Variants in PCDH15 observed in about 807,000 individuals in gnomAD.
PCDH15 encodes protocadherin-15.
PCDH15 carries 129 observed loss-of-function variants against 178.5 expected under a neutral mutation model. That is an observed-to-expected ratio of 0.72 (90% CI 0.63 to 0.84). PCDH15 has a LOEUF of 0.84. Among genes scored for constraint, PCDH15 ranks in the 40% least tolerant of loss-of-function variants. PCDH15 has a pLI of 0.00. For missense variants in PCDH15, 2,230 were observed against 2,099.9 expected (o/e 1.06, Z -1.21); for synonymous variants, 800 against 732.0 (o/e 1.09, Z -1.50).
chr10:54,919,420 C>T (rs1262356547), intron 2 of PCDH15, among the ~76,000 whole-genome samples: 1 of 152,106 alleles, frequency 6.6e-6, no homozygotes, highest in Non-Finnish European at 1.5e-5. Flanking sequence ...ACGTTTTGTA[C>T]TTGATTTACT....
chr10:55,432,114 C>CACACACACACACACA (rs71014487), intron 2 of PCDH15, among the ~76,000 whole-genome samples: 7 of 146,988 alleles, frequency 4.8e-5, no homozygotes, highest in South Asian at 2.1e-4. Context: ...CACACACACA[C>CACACACACACACACA]CACAAGTCTC....
chr10:54,909,424 G>A (rs1470792083), intron 2 of PCDH15, among the ~76,000 whole-genome samples: 1 of 152,154 alleles, frequency 6.6e-6, no homozygotes, highest in Non-Finnish European at 1.5e-5. Flanking sequence ...AGGAGGCCAA[G>A]GTAGCATGGG....
intron 1 of PCDH15, among the ~76,000 whole-genome samples, chr10:55,198,213 TC>T (rs1840146957): frequency 6.6e-6 from 1 of 152,132 alleles, no homozygotes; most frequent in African/African-American, 2.4e-5. Context: ...TTATTCACTC[TC>T]AGTTTAAGTA....
At chr10:53,970,447 TGAA>T (rs1030831175) in intron 21 of PCDH15, among the ~76,000 whole-genome samples, 7 of 151,574 alleles carry the variant, frequency 4.6e-5, no homozygotes, top group Non-Finnish European at 7.4e-5. Context: ...AGAGCAGAAC[TGAA>T]GGAGACAGAG....
At chr10:55,235,232 T>G (rs967425810) in intron 1 of PCDH15, among the ~76,000 whole-genome samples, 2 of 152,132 alleles carry the variant, frequency 1.3e-5, no homozygotes, top group African/African-American at 2.4e-5. Context: ...AAAGTCATTA[T>G]AAAATGGATA....
rs566302687 is a variant in PCDH15 at position 54,015,022 on chromosome 10, T to A, written c.2751+5170A>T. Among the ~76,000 whole-genome samples, 25 of 152,190 alleles carry A rather than the reference T, an allele frequency of 1.6e-4. 1 individual carries two copies. The highest frequency in any genetic ancestry group is 8.3e-4 in the South Asian group (4 of 4,828). On this transcript the variant is annotated intron_variant, in intron 20 of 37. Transcript: ENST00000644397. ...CACCTAGAAAACCCCATAGTCTTTG[T>A]CCAAAACTCCTTGATCTAATAAACA...
intron 18 of PCDH15, among the ~76,000 whole-genome samples, chr10:54,024,944 G>C (rs867976054): frequency 6.6e-6 from 1 of 151,956 alleles, no homozygotes; most frequent in Middle Eastern, 3.2e-3. Context: ...AATATGTTTT[G>C]TTTCATAATA....
intron 1 of PCDH15, among the ~76,000 whole-genome samples, chr10:55,230,560 A>G (rs571385734): frequency 6.6e-6 from 1 of 152,204 alleles, no homozygotes; most frequent in African/African-American, 2.4e-5. Flanking sequence ...ATGAAGACAG[A>G]GTTTGCAAAG....
At chr10:54,780,247 A>G (rs572692228) in intron 1 of PCDH15, among the ~76,000 whole-genome samples, 20 of 152,322 alleles carry the variant, frequency 1.3e-4, no homozygotes, top group Admixed American at 5.2e-4. Context: ...TTTAAGAGAA[A>G]GAGAAATGTG....
At chr10:55,627,416 A>T (rs1480640989) in intron 2 of PCDH15, among the ~76,000 whole-genome samples, 1 of 152,014 alleles carries the variant, frequency 6.6e-6, no homozygotes, top group East Asian at 1.9e-4. Context: ...ACAAACACAT[A>T]CATGTAAGGA....
At chr10:55,331,477 G>A (rs772960672) in intron 2 of PCDH15, among the ~76,000 whole-genome samples, 1 of 151,974 alleles carries the variant, frequency 6.6e-6, no homozygotes, top group Admixed American at 6.6e-5. Flanking sequence ...ATCTGTCCAA[G>A]AACCAAGATA....
chr10:54,095,095 C>T (rs2094676959), intron 15 of PCDH15, among the ~76,000 whole-genome samples: 1 of 152,070 alleles, frequency 6.6e-6, no homozygotes, highest in African/African-American at 2.4e-5. Flanking sequence ...AGTAACTGCC[C>T]TTAGGGATTC....
At position 54,195,793 on chromosome 10, in the gene PCDH15, T is replaced by C. The variant is rs199786639; in HGVS notation, c.1195A>G (p.Ser399Gly). 362 of 1,613,860 alleles carry C rather than the reference T, an allele frequency of 2.2e-4. No homozygotes were observed. The highest frequency in any genetic ancestry group is 2.3e-4 in the South Asian group (21 of 91,084). The change falls in exon 11 of 38, where the codon AGT (serine) becomes GGT (glycine). Residue 399 changes from serine (S) to glycine (G), a missense_variant. Ser to Gly is a moderately conservative substitution (Grantham distance 56). Transcript: ENST00000644397. ...GATTCCAGGATATAGCCTTGATAAC[T>C]GGGCATTGTAAAATATGGACTTTGA... ...NNQSPYFTMP[S>G]YQGYILESAP...
chr10:54,839,059 G>A (rs963189243), intron 3 of PCDH15, among the ~76,000 whole-genome samples: 1 of 152,118 alleles, frequency 6.6e-6, no homozygotes, highest in African/African-American at 2.4e-5. Context: ...AAACCAGTCT[G>A]TAAAGGCTAA....
At chr10:55,222,714 C>CACACACAG (rs1447586940) in intron 1 of PCDH15, among the ~76,000 whole-genome samples, 92 of 22,398 alleles carry the variant, frequency 4.1e-3, no homozygotes, top group South Asian at 0.016. Flanking sequence ...TCTTTATACA[C>CACACACAG]ACACACACAC....
At chr10:55,595,701 C>T (rs370154754) in intron 2 of PCDH15, among the ~76,000 whole-genome samples, 13 of 151,966 alleles carry the variant, frequency 8.6e-5, no homozygotes, top group South Asian at 6.2e-4. Context: ...TTCATCCTGG[C>T]GTTAAGATTA....
intron 2 of PCDH15, among the ~76,000 whole-genome samples, 162 bp from the exon 3 acceptor site, chr10:54,528,039 C>T (rs921341343): frequency 1.3e-5 from 2 of 151,950 alleles, no homozygotes; most frequent in African/African-American, 4.8e-5. Flanking sequence ...TTTATAATAA[C>T]CACATAGATT....
At position 54,329,596 on chromosome 10, in the gene PCDH15, A is replaced by G. The variant is rs112059717; in HGVS notation, c.705T>C (p.Asn235=). ...KTRYFVIIQA[N]DRAQNLNERR... is the part of the protein sequence containing the mutation. ...AATTTAAAAGAAATTGAATACTCAC[A>G]TTAGCTTGGATTATGACAAAGTAGC... The change falls in exon 7 of 38, where the codon AAT becomes AAC. Residue 235 remains asparagine, a splice_region_variant and synonymous_variant. Transcript: ENST00000644397. 8.3e-6 allele frequency: 13 copies of G among 1,572,828 alleles called. No individual in the cohort carries two copies. Among genetic ancestry groups the G allele is most frequent in the African/African-American group, 5.4e-5 (4 of 74,074 alleles).
At chr10:54,820,967 A>G (rs1010679768) in intron 3 of PCDH15, among the ~76,000 whole-genome samples, 1 of 152,130 alleles carries the variant, frequency 6.6e-6, no homozygotes, top group Non-Finnish European at 1.5e-5. Flanking sequence ...AAATACTTGC[A>G]TGGAAAATGA....
Sources: allele counts gnomAD v4.1 joint callset (sites outside exome capture counted in the v4.1 genomes callset), GRCh38; gene constraint gnomAD v4.1.1; transcripts MANE v1.5; gene names NCBI Gene and HGNC (gene_info 2026-07-23, HGNC 2026-07-21).